Variants in TBC1D8 observed in about 807,000 individuals in gnomAD.
TBC1D8 encodes the protein BUB2-like protein 1.
In TBC1D8, 65 loss-of-function variants were observed where a neutral mutation model predicts 118.8. That is an observed-to-expected ratio of 0.55 (90% CI 0.45 to 0.67). The LOEUF (loss-of-function observed/expected upper bound fraction) is 0.67. TBC1D8 is among the 30% of genes least tolerant of loss of function. The pLI, the probability that TBC1D8 is intolerant of heterozygous loss-of-function variation, is 0.00. For missense variants in TBC1D8, 1,376 were observed against 1,471.2 expected (o/e 0.94, Z 1.06); for synonymous variants, 566 against 595.8 (o/e 0.95, Z 0.73).
At chr2:101,033,912 C>G (rs925534621) in intron 9 of TBC1D8, among the ~76,000 whole-genome samples, 154 bp from the exon 10 acceptor site, 1 of 152,086 alleles carries the variant, frequency 6.6e-6, no homozygotes, top group African/African-American at 2.4e-5. Context: ...GCCTGTAATC[C>G]CAGCATTTTG....
chr2:101,015,361 T>G (rs1321880461), intron 17 of TBC1D8, among the ~76,000 whole-genome samples: 1 of 152,236 alleles, frequency 6.6e-6, no homozygotes, highest in Non-Finnish European at 1.5e-5. Context: ...AGGACATTAC[T>G]GCACACTGCC....
chr2:101,008,317 A>ATCC (rs1039444267), intron 19 of TBC1D8, 44 bp from the exon 20 acceptor site: 2 of 1,443,296 alleles, frequency 1.4e-6, no homozygotes, highest in Non-Finnish European at 1.8e-6. Flanking sequence ...ACCAGGGTGG[A>ATCC]AGTGTCATTT....
chr2:101,074,511 A>G (rs890782909), intron 2 of TBC1D8, among the ~76,000 whole-genome samples: 9 of 152,328 alleles, frequency 5.9e-5, no homozygotes, highest in South Asian at 4.1e-4. Context: ...CAATTTGAAA[A>G]ACATGCAGTA....
chr2:101,040,610 C>T (rs1681325121), intron 5 of TBC1D8, among the ~76,000 whole-genome samples: 1 of 152,224 alleles, frequency 6.6e-6, no homozygotes, highest in African/African-American at 2.4e-5. Context: ...GCTGGGATTA[C>T]AGGGACGCGC....
intron 17 of TBC1D8, chr2:101,019,798 G>A (rs1272475624): frequency 2.0e-5 from 3 of 152,198 alleles, no homozygotes; most frequent in Non-Finnish European, 4.4e-5. Context: ...GCTGGGCGCG[G>A]TGGCTCATGC....
At position 101,130,534 on chromosome 2, in the gene TBC1D8, C is replaced by T. The variant is rs941121342; in HGVS notation, c.127+20593G>A. ...ACCTAAAAGACAGGGCTCAAAGGCC[C>T]TAACCCCCTTGACTAGATATTTCCA... is the stretch of plus-strand genomic sequence containing the variant. On this transcript the variant is annotated intron_variant, in intron 1 of 19. Transcript: ENST00000409318. 3.3e-5 allele frequency among the ~76,000 whole-genome samples: 5 copies of T among 152,230 alleles called. No homozygotes were observed. The East Asian group carries it at 5.8e-4, about 18-fold the overall frequency.
intron 15 of TBC1D8, among the ~76,000 whole-genome samples, chr2:101,027,040 G>A (rs1429869977): frequency 2.0e-5 from 3 of 152,174 alleles, no homozygotes; most frequent in Non-Finnish European, 2.9e-5. Flanking sequence ...AAGGGTCACC[G>A]CAGGACCCAG....
At chr2:101,148,983 C>A (rs1159802938) in intron 1 of TBC1D8, among the ~76,000 whole-genome samples, 1 of 152,188 alleles carries the variant, frequency 6.6e-6, no homozygotes, top group African/African-American at 2.4e-5. Context: ...ACCAGCCCCC[C>A]ACAGCACACG....
At chr2:101,071,053 G>A (rs150050993) in intron 2 of TBC1D8, among the ~76,000 whole-genome samples, 1 of 151,854 alleles carries the variant, frequency 6.6e-6, no homozygotes, top group African/African-American at 2.4e-5. Flanking sequence ...AATTAGCATC[G>A]GCCAGGCCAG....
At chr2:101,105,846 C>T (rs990265008) in intron 1 of TBC1D8, among the ~76,000 whole-genome samples, 1 of 152,032 alleles carries the variant, frequency 6.6e-6, no homozygotes, top group Non-Finnish European at 1.5e-5. Context: ...CGTATGATCC[C>T]TGCAATCGCA....
Position 101,137,031 on chromosome 2 carries a change from C to CTT in TBC1D8, c.127+14094_127+14095dup, listed in dbSNP as rs34792672. ...TAAACCATTCATCACTAGGCTAATT[C>CTT]TTTTTTTTTTTTTTTTTTTTGAGAC... On this transcript the variant is annotated intron_variant, in intron 1 of 19. Coordinates refer to ENST00000409318, the MANE Select transcript of TBC1D8 (RefSeq NM_001330348.2). Among the ~76,000 whole-genome samples the CTT allele has an allele frequency of 5.7e-3, 686 of 121,006 alleles. 3 individuals carry two copies. The highest frequency in any genetic ancestry group is 9.3e-3 in the Middle Eastern group (2 of 216). The allele number at this position is 121,006 out of a possible 152,430, so 79.4% of individuals were successfully genotyped here. A position where few individuals can be genotyped will look rare whatever the true frequency, so the allele number is the denominator to read the frequency against.
chr2:101,016,896 G>C (rs1371679114), intron 17 of TBC1D8, among the ~76,000 whole-genome samples: 3 of 151,996 alleles, frequency 2.0e-5, no homozygotes, highest in Non-Finnish European at 4.4e-5. Flanking sequence ...GACACATGAA[G>C]GGGAACATCA....
At chr2:101,081,250 C>A (rs1291828028) in intron 2 of TBC1D8, among the ~76,000 whole-genome samples, 2 of 152,218 alleles carry the variant, frequency 1.3e-5, no homozygotes, top group Non-Finnish European at 2.9e-5. Flanking sequence ...AGTGCCCCTG[C>A]CCACCAGGTA....
Position 101,135,386 on chromosome 2 carries a change from A to G in TBC1D8, c.127+15741T>C, listed in dbSNP as rs143345427. ...GACCTTTTTGTTATAAGCCATCTGA[A>G]CAGCAGAAAACAGAATTGTAGCTCA... On this transcript the variant is annotated intron_variant, in intron 1 of 19. Coordinates refer to ENST00000409318, the MANE Select transcript of TBC1D8 (RefSeq NM_001330348.2). Among the ~76,000 whole-genome samples, 159 of 152,212 alleles carry G rather than the reference A, an allele frequency of 1.0e-3. 1 individual carries two copies. Among genetic ancestry groups the G allele is most frequent in the African/African-American group, 3.6e-3 (148 of 41,536 alleles).
At chr2:101,032,057 T>G (rs1191209789) in intron 11 of TBC1D8, among the ~76,000 whole-genome samples, 2 of 152,248 alleles carry the variant, frequency 1.3e-5, no homozygotes, top group East Asian at 3.8e-4. Context: ...ATAGCAGGAA[T>G]GTGTTTGAGT....
chr2:101,033,123 T>A (rs1019461164), intron 10 of TBC1D8, among the ~76,000 whole-genome samples: 13 of 23,458 alleles, frequency 5.5e-4, no homozygotes, highest in African/African-American at 1.4e-3. Context: ...ACTCGGTAAA[T>A]TTTTTTTTTT....
chr2:101,140,760 CTT>C (rs34909669), intron 1 of TBC1D8, among the ~76,000 whole-genome samples: 50,036 of 130,556 alleles, frequency 0.38, 8,433 homozygotes, highest in East Asian at 0.57. Context: ...TATATTACTA[CTT>C]TTTTTTTTTT....
chr2:101,064,481 A>G (rs1026791415), intron 2 of TBC1D8, among the ~76,000 whole-genome samples: 1 of 152,220 alleles, frequency 6.6e-6, no homozygotes, highest in Non-Finnish European at 1.5e-5. Flanking sequence ...GCAGCTGTCT[A>G]AAACCAAAAT....
intron 1 of TBC1D8, among the ~76,000 whole-genome samples, chr2:101,143,743 G>T (rs1040389419): frequency 1.3e-5 from 2 of 152,098 alleles, no homozygotes; most frequent in African/African-American, 4.8e-5. Flanking sequence ...GTATTTTTTT[G>T]TAGAGTCAGG....
Sources: gnomAD v4.1 joint callset for allele counts (sites outside exome capture counted in the v4.1 genomes callset) on GRCh38, gnomAD v4.1.1 for gene constraint, MANE v1.5 for transcripts, NCBI Gene and HGNC (gene_info 2026-07-23, HGNC 2026-07-21) for gene names.